ATP6V0A2: variants seen among roughly 807,000 people sequenced by gnomAD.
The protein encoded by ATP6V0A2 is ATPase H+ transporting V0 subunit a2.
A neutral mutation model predicts 104.4 loss-of-function variants in ATP6V0A2; 58 were observed. The ratio of observed to expected loss-of-function variants is 0.56; its 90% CI spans 0.45 to 0.69. The LOEUF is 0.69. Ranked by LOEUF, ATP6V0A2 falls within the 30% of genes least tolerant of loss-of-function variation. The probability of loss-of-function intolerance (pLI) is 0.00; values close to 1 mark genes in which losing one functional copy is unlikely to be tolerated. For synonymous variants in ATP6V0A2, 376 were observed against 397.9 expected, an observed-to-expected ratio of 0.95 and a Z score of 0.65; for missense variants, 938 against 1,062.9, an observed-to-expected ratio of 0.88 and a Z score of 1.63.
intron 15 of ATP6V0A2, chr12:123,750,779 A>T (rs1956706872): frequency 2.8e-6 from 1 of 355,736 alleles, no homozygotes; most frequent in Non-Finnish European, 5.4e-6. Context: ...TATACAAAAT[A>T]TTCTGCTTGT....
chr12:123,752,220 G>T (rs1956722154), intron 16 of ATP6V0A2, 63 bp from the exon 17 acceptor site: 2 of 1,606,280 alleles, frequency 1.2e-6, no homozygotes, highest in African/African-American at 2.7e-5. Flanking sequence ...AACTATACAA[G>T]TTTGGTTTTG....
At chr12:123,727,433 C>T (rs1956458875) in intron 5 of ATP6V0A2, among the ~76,000 whole-genome samples, 1 of 152,020 alleles carries the variant, frequency 6.6e-6, no homozygotes, top group African/African-American at 2.4e-5. Context: ...TGCCTGCCAC[C>T]ACGCCTGGCT....
intron 1 of ATP6V0A2, among the ~76,000 whole-genome samples, chr12:123,717,337 G>T (rs1333556038): frequency 7.6e-6 from 1 of 130,904 alleles, no homozygotes; most frequent in African/African-American, 3.0e-5. Context: ...AAAAAAAAAA[G>T]AGAAAGTCAT....
intron 16 of ATP6V0A2, 110 bp downstream of exon 16, chr12:123,751,339 A>C: frequency 1.3e-6 from 2 of 1,517,582 alleles, no homozygotes; most frequent in Non-Finnish European, 1.8e-6. Context: ...TTGATTTAAA[A>C]GCCAAAGCTC....
At chr12:123,715,889 C>T (rs1019191358) in intron 1 of ATP6V0A2, among the ~76,000 whole-genome samples, 1 of 152,078 alleles carries the variant, frequency 6.6e-6, no homozygotes, top group African/African-American at 2.4e-5. Flanking sequence ...TATTCTTTTA[C>T]AACTTTTTAA....
intron 1 of ATP6V0A2, among the ~76,000 whole-genome samples, chr12:123,717,739 T>A (rs570143892): frequency 6.6e-6 from 1 of 152,146 alleles, no homozygotes; most frequent in African/African-American, 2.4e-5. Flanking sequence ...CTGCTGTGCC[T>A]GGCTATAATT....
chr12:123,726,639 A>C (rs908198219), intron 5 of ATP6V0A2, among the ~76,000 whole-genome samples: 2 of 152,226 alleles, frequency 1.3e-5, no homozygotes, highest in Non-Finnish European at 1.5e-5. Flanking sequence ...TTTTTTTATT[A>C]ATCATATTTT....
At chr12:123,717,968 G>C (rs1415039041) in intron 1 of ATP6V0A2, among the ~76,000 whole-genome samples, 2 of 151,424 alleles carry the variant, frequency 1.3e-5, no homozygotes, top group Non-Finnish European at 1.5e-5. Context: ...TGTGTCACCT[G>C]GGCTGGATTG....
Position 123,712,682 on chromosome 12 carries a change from C to T in ATP6V0A2, c.117C>T (p.Asp39=), listed in dbSNP as rs1170295772. 4.4e-6 allele frequency: 7 copies of T among 1,608,648 alleles called. No individual in the cohort carries two copies. The highest frequency in any genetic ancestry group is 3.3e-5 in the South Asian group (3 of 90,488). ...AGAAAGGCCTGGTCCAGTTCCGAGA[C>T]GTGAGTGTCGCCCGGGAGACGCGGG... ...LGEKGLVQFR[D]LNQNVSSFQR... is the part of the protein sequence containing the mutation. Residue 39 remains aspartate, a splice_region_variant and synonymous_variant, in exon 1 of 20, where the codon GAC becomes GAT. Coordinates refer to ENST00000330342, the MANE Select transcript of ATP6V0A2 (RefSeq NM_012463.4).
chr12:123,745,708 A>G (rs1227282984), intron 13 of ATP6V0A2, among the ~76,000 whole-genome samples: 1 of 15,474 alleles, frequency 6.5e-5, no homozygotes, highest in Non-Finnish European at 1.1e-4. Context: ...ACTCTGTCTC[A>G]AAAAAAAAAA....
At chr12:123,757,668 T>A (rs1022818086) in intron 19 of ATP6V0A2, among the ~76,000 whole-genome samples, 2 of 152,144 alleles carry the variant, frequency 1.3e-5, no homozygotes, top group Admixed American at 6.6e-5. Flanking sequence ...GGAGAGGGTC[T>A]CGTTACTTGT....
chr12:123,745,510 TC>T (rs1173033507), intron 13 of ATP6V0A2, among the ~76,000 whole-genome samples: 3 of 151,950 alleles, frequency 2.0e-5, no homozygotes, highest in Non-Finnish European at 4.4e-5. Context: ...ATTGAGACCA[TC>T]CTGGCTAACA....
At position 123,737,084 on chromosome 12, in the gene ATP6V0A2, T is replaced by G. The variant is rs1412784504; in HGVS notation, c.851T>G (p.Leu284Trp). The G allele has an allele frequency of 6.2e-7, 1 of 1,614,204 alleles. No homozygotes were observed. The highest frequency in any genetic ancestry group is 8.5e-7 in the Non-Finnish European group (1 of 1,180,036). ...GTACTGCACAAAACCGAGGACTATT[T>G]GAGGCAAGTGCTATGTAAAGCCGCC... is the stretch of plus-strand genomic sequence containing the variant. ...YTVLHKTEDYLRQVLCKAAES... is the reference protein window; with the variant it reads ...YTVLHKTEDYWRQVLCKAAES... Residue 284 changes from leucine (L) to tryptophan (W), a missense_variant, in exon 9 of 20, where the codon TTG (leucine) becomes TGG (tryptophan). Leu to Trp is a moderately conservative substitution (Grantham distance 61). Coordinates refer to ENST00000330342, the MANE Select transcript of ATP6V0A2 (RefSeq NM_012463.4).
At chr12:123,745,109 C>A in intron 13 of ATP6V0A2, 137 bp downstream of exon 13, 1 of 905,494 alleles carries the variant, frequency 1.1e-6, no homozygotes. Flanking sequence ...CCCTGTGCAT[C>A]CCAGTCCCGG....
chr12:123,742,559 G>A (rs116370818), intron 9 of ATP6V0A2, among the ~76,000 whole-genome samples: 226 of 152,208 alleles, frequency 1.5e-3, no homozygotes, highest in African/African-American at 5.1e-3. Flanking sequence ...CATTTTGGCC[G>A]GGTGCAGTGG....
intron 8 of ATP6V0A2, 115 bp downstream of exon 8, chr12:123,735,739 C>T (rs1486245518): frequency 1.1e-6 from 1 of 943,926 alleles, no homozygotes; most frequent in Admixed American, 2.0e-5. Flanking sequence ...TCAAGATGTT[C>T]TAGTGAGATT....
chr12:123,744,885 C>CAGCGTCGTTAGACACAACAGCA lies in ATP6V0A2; in HGVS notation c.1519_1540dup (p.Ile514LysfsTer4). The CAGCGTCGTTAGACACAACAGCA allele has an allele frequency of 6.2e-7, 1 of 1,614,172 alleles. No homozygotes were observed. Among genetic ancestry groups the CAGCGTCGTTAGACACAACAGCA allele is most frequent in the Non-Finnish European group, 8.5e-7 (1 of 1,180,014 alleles). On this transcript the variant is annotated frameshift_variant, in exon 13 of 20. Transcript: ENST00000330342. LOFTEE classifies it high-confidence loss of function. The surrounding 1 kb of genome is among the most constrained non-coding windows in gnomAD (Gnocchi z 5.4). The stretch of plus-strand genomic sequence containing the variant: ...CTCACTCTGCTTTTTGTTACAGTGA[C>CAGCGTCGTTAGACACAACAGCA]AGCGTCGTTAGACACAACAGCATTT...
At chr12:123,729,045 T>G (rs536145043) in intron 6 of ATP6V0A2, among the ~76,000 whole-genome samples, 16 of 152,370 alleles carry the variant, frequency 1.1e-4, no homozygotes, top group African/African-American at 2.4e-4. Flanking sequence ...ACTCTTTTTT[T>G]TGTGTTTGAA....
rs549016493 is a variant in ATP6V0A2, at chr12:123,727,180, C to G, written c.522-603C>G. 1.6e-4 allele frequency among the ~76,000 whole-genome samples: 24 copies of G among 152,298 alleles called. No individual in the cohort carries two copies. The South Asian group carries it at 5.0e-3, about 32-fold the overall frequency. ...CACCTTATCTAGACCCAGTGCCTGG[C>G]TCCTGCATCCCATGCTGGCCTTAAA... On this transcript the variant is annotated intron_variant, in intron 5 of 19. Transcript: ENST00000330342.
Sources: allele counts gnomAD v4.1 joint callset (sites outside exome capture counted in the v4.1 genomes callset), GRCh38; gene constraint gnomAD v4.1.1; non-coding constraint Gnocchi (gnomAD v3.1); transcripts MANE v1.5; gene names NCBI Gene and HGNC (gene_info 2026-07-23, HGNC 2026-07-21).